FHL1: variants seen among roughly 807,000 people sequenced by gnomAD.
FHL1 encodes the protein four and a half LIM domains protein 1.
Under a neutral mutation model 20.3 loss-of-function variants are expected in FHL1, and 1 was observed. The observed-to-expected ratio is 0.05, with a 90% confidence interval of 0.02 to 0.23. The LOEUF is 0.23. Ranked by LOEUF, FHL1 falls within the 10% of genes least tolerant of loss-of-function variation. The pLI is 1.00. For missense variants in FHL1, 177 were observed against 234.0 expected, an observed-to-expected ratio of 0.76 and a Z score of 1.59; for synonymous variants, 82 against 88.9, an observed-to-expected ratio of 0.92 and a Z score of 0.44.
At chrX:136,209,340 C>T (rs2073943286) in intron 5 of FHL1, 2 of 1,208,847 alleles carry the variant, frequency 1.7e-6, no homozygotes, top group African/African-American at 1.8e-5. Flanking sequence ...TGTTTCCCAG[C>T]GCCAACCTCC....
intron 2 of FHL1, among the ~76,000 whole-genome samples, chrX:136,178,065 G>A (rs1435248212): frequency 1.8e-5 from 2 of 111,729 alleles, no homozygotes; most frequent in Non-Finnish European, 3.8e-5. Context: ...CATAGCTGGG[G>A]TCAAAGCTTT....
upstream of FHL1, among the ~76,000 whole-genome samples, chrX:136,194,610 T>C (rs1466111429): frequency 1.8e-5 from 2 of 111,473 alleles, no homozygotes; most frequent in African/African-American, 3.3e-5. Flanking sequence ...ACTCCACCAA[T>C]AGTATATAAA....
intron 2 of FHL1, among the ~76,000 whole-genome samples, chrX:136,176,758 C>A (rs1048033058): frequency 5.4e-5 from 6 of 111,288 alleles, no homozygotes; most frequent in Admixed American, 1.9e-4. Flanking sequence ...ATTTATCTCC[C>A]TTGTCTCTAT....
At chrX:136,192,536 G>C (rs997572799), upstream of FHL1, among the ~76,000 whole-genome samples, 2 of 112,230 alleles carry the variant, frequency 1.8e-5, no homozygotes, top group African/African-American at 6.5e-5. Flanking sequence ...GCATTTTCCA[G>C]GTGCTTTGCT....
chrX:136,163,345 C>G (rs1360431311), intron 1 of FHL1, among the ~76,000 whole-genome samples: 1 of 112,273 alleles, frequency 8.9e-6, no homozygotes, highest in South Asian at 3.7e-4. Context: ...TCAGCCAAAG[C>G]CAGAGGCTTG....
At chrX:136,153,911 T>C (rs1170991485) in intron 1 of FHL1, among the ~76,000 whole-genome samples, 2 of 111,868 alleles carry the variant, frequency 1.8e-5, no homozygotes, top group African/African-American at 6.5e-5. Flanking sequence ...AAGGGAAAGC[T>C]GACAGGTAGT....
At chrX:136,166,261 C>G (rs966254380), upstream of FHL1, among the ~76,000 whole-genome samples, 2 of 111,993 alleles carry the variant, frequency 1.8e-5, no homozygotes, top group African/African-American at 6.5e-5. Flanking sequence ...GTCAATTTTT[C>G]TCCTTTGTGG....
At chrX:136,176,818 G>T (rs185321661) in intron 2 of FHL1, among the ~76,000 whole-genome samples, 1,327 of 111,013 alleles carry the variant, frequency 0.012, 19 homozygotes, top group African/African-American at 0.04. Flanking sequence ...TTGACCTCTT[G>T]TAACATCTCC....
intron 2 of FHL1, among the ~76,000 whole-genome samples, chrX:136,174,253 C>G (rs2072944866): frequency 8.9e-6 from 1 of 111,789 alleles, no homozygotes; most frequent in South Asian, 3.8e-4. Flanking sequence ...TAAGGAGGTG[C>G]TTTAAAAGGG....
chrX:136,209,154 T>C, intron 5 of FHL1: 6 of 902,475 alleles, frequency 6.6e-6, no homozygotes, highest in Non-Finnish European at 9.3e-6. Context: ...GCGATCCACG[T>C]GCCCTGGGCC....
rs771079309 is a variant in FHL1, at chrX:136,211,091, C to T, written c.*1066C>T. ...CTGCAAAGTCCCTTCTGTTGTGATT[C>T]CTAGGACTTTTCCTCAAGAGGAAAT... On this transcript the variant is annotated 3_prime_UTR_variant, in exon 6 of 6. Coordinates refer to ENST00000370683, the MANE Select transcript of FHL1 (RefSeq NM_001159699.2). 31 of 374,516 alleles carry T rather than the reference C, an allele frequency of 8.3e-5. No homozygotes were observed. Among genetic ancestry groups the T allele is most frequent in the Non-Finnish European group, 1.5e-4 (30 of 198,251 alleles). The allele number at this position is 374,516 out of a possible 1,213,427, so 30.9% of individuals were successfully genotyped here.
At chrX:136,195,436 T>G (rs1162438888), upstream of FHL1, among the ~76,000 whole-genome samples, 6 of 112,509 alleles carry the variant, frequency 5.3e-5, no homozygotes, top group Non-Finnish European at 9.4e-5. Flanking sequence ...GGGTGTGGTG[T>G]TGTTACAACT....
chrX:136,146,830 T>A (rs1478899474), upstream of FHL1: 1 of 329,125 alleles, frequency 3.0e-6, no homozygotes, highest in South Asian at 2.6e-5. Context: ...TGAGTGACGT[T>A]AAAACGCTCT....
At chrX:136,165,105 T>A (rs1021735082), upstream of FHL1, among the ~76,000 whole-genome samples, 4 of 112,165 alleles carry the variant, frequency 3.6e-5, no homozygotes, top group Admixed American at 9.5e-5. Context: ...GATAATACTC[T>A]GTACTAAATA....
upstream of FHL1, among the ~76,000 whole-genome samples, chrX:136,194,108 C>T (rs2073497813): frequency 9.0e-6 from 1 of 111,427 alleles, no homozygotes; most frequent in Non-Finnish European, 1.9e-5. Flanking sequence ...GCCGTGACAT[C>T]CATCAAGTCT....
Position 136,178,168 on chromosome X carries a change from T to C in FHL1, c.-27+8188T>C, listed in dbSNP as rs183796454. 3.3e-3 allele frequency among the ~76,000 whole-genome samples: 374 copies of C among 111,833 alleles called. 4 individuals carry two copies. Among genetic ancestry groups the C allele is most frequent in the Non-Finnish European group, 5.7e-3 (304 of 53,155 alleles). ...TCATCATTATCATTGTCATCATCAT[T>C]ATTATCATATCAACCTTATATCACA... On this transcript the variant is annotated intron_variant, in intron 2 of 6. Coordinates refer to the FHL1 transcript ENST00000394153.
At chrX:136,177,379 T>C (rs1168670383) in intron 2 of FHL1, among the ~76,000 whole-genome samples, 1 of 111,730 alleles carries the variant, frequency 9.0e-6, no homozygotes, top group African/African-American at 3.3e-5. Context: ...ATCTTCACAA[T>C]TGATGTGAAA....
intron 1 of FHL1, among the ~76,000 whole-genome samples, chrX:136,200,758 G>A (rs753024218): frequency 4.5e-5 from 5 of 112,117 alleles, no homozygotes; most frequent in Non-Finnish European, 7.5e-5. Flanking sequence ...TGTTAGCAGC[G>A]GGGAATCTGT....
chrX:136,206,137 G>A lies in FHL1; in HGVS notation c.23-270G>A, dbSNP rs1020810252. ...GCATCTTTTGTGAATCAGCACAGTT[G>A]ATATATCTGAGCAGGGGCTTCTACC... On this transcript the variant is annotated intron_variant, in intron 1 of 5. Coordinates refer to ENST00000370683, the MANE Select transcript of FHL1 (RefSeq NM_001159699.2). The A allele has an allele frequency of 7.0e-6, 3 of 426,625 alleles. No individual in the cohort carries two copies. The African/African-American group carries it at 7.4e-5, about 11-fold the overall frequency. 35.2% of individuals were successfully genotyped at this position (426,625 alleles called of 1,213,427 possible).
Sources: gnomAD v4.1 joint callset for allele counts (sites outside exome capture counted in the v4.1 genomes callset) on GRCh38, gnomAD v4.1.1 for gene constraint, MANE v1.5 for transcripts, NCBI Gene and HGNC (gene_info 2026-07-23, HGNC 2026-07-21) for gene names.